The following FBN2 variants were observed in gnomAD, a reference collection of about 807,000 sequenced individuals.
The protein encoded by FBN2 is fibrillin 2.
A neutral mutation model predicts 355.6 loss-of-function variants in FBN2; 105 were observed. The observed-to-expected ratio is 0.30, with a 90% CI of 0.25 to 0.35. FBN2 has a LOEUF of 0.35. Among genes scored for constraint, FBN2 ranks in the 10% least tolerant of loss-of-function variants. The pLI is 1.00. For synonymous variants in FBN2, 1,350 were observed against 1,301.2 expected, an observed-to-expected ratio of 1.04 and a Z score of -0.81; for missense variants, 3,280 against 3,758.7, an observed-to-expected ratio of 0.87 and a Z score of 3.33.
intron 7 of FBN2, among the ~76,000 whole-genome samples, chr5:128,441,017 G>A (rs1753903449): frequency 6.6e-6 from 1 of 152,136 alleles, no homozygotes. Flanking sequence ...GAACTGCCAG[G>A]TCATACATCT....
Position 128,434,905 on chromosome 5 carries a change from A to G in FBN2, c.952+11576T>C, listed in dbSNP as rs549154652. ...ATAGGTTTTCCTATCATTAACACAC[A>G]TCTAATTTTATGTCTCTGAGAAAGA... is the stretch of plus-strand genomic sequence containing the variant. On this transcript the variant is annotated intron_variant, in intron 7 of 64. Transcript: ENST00000262464. 4.8e-4 allele frequency among the ~76,000 whole-genome samples: 73 copies of G among 152,242 alleles called. 1 individual carries two copies. The highest frequency in any genetic ancestry group is 1.2e-3 in the South Asian group (6 of 4,822).
In FBN2 at chr5:128,304,982, A is replaced by C; in HGVS notation, c.5775T>G (p.Ala1925=). Residue 1925 remains alanine, a synonymous_variant, in exon 45 of 65, where the codon GCT becomes GCG. Transcript: ENST00000262464. ...CCATGCACATGGTCTGGTCCTGAGA[A>C]GCCTTAAAGCCATTGTGGCAGATGC... The part of the protein sequence containing the change: ...YQCICHNGFK[A]SQDQTMCMDV... 1 of 1,614,000 alleles carries C rather than the reference A, an allele frequency of 6.2e-7. No individual in the cohort carries two copies.
chr5:128,286,937 A>C, intron 54 of FBN2, 88 bp from the exon 55 acceptor site: 2 of 1,277,794 alleles, frequency 1.6e-6, no homozygotes, highest in South Asian at 1.3e-5. Context: ...CTGACACTTA[A>C]CATGTAATTT....
chr5:128,500,279 C>CA (rs1263375113), intron 5 of FBN2, among the ~76,000 whole-genome samples: 1 of 151,636 alleles, frequency 6.6e-6, no homozygotes, highest in Non-Finnish European at 1.5e-5. Context: ...ATGAAACTAA[C>CA]AACACTTTTA....
chr5:128,369,390 G>T, intron 15 of FBN2, 56 bp from the exon 16 acceptor site: 1 of 1,581,878 alleles, frequency 6.3e-7, no homozygotes, highest in Non-Finnish European at 8.6e-7. Flanking sequence ...AAGAGATTTC[G>T]AAACAGAAGG....
At chr5:128,438,134 T>A (rs1421980040) in intron 7 of FBN2, among the ~76,000 whole-genome samples, 1 of 152,142 alleles carries the variant, frequency 6.6e-6, no homozygotes, top group Non-Finnish European at 1.5e-5. Flanking sequence ...TGGGACCACA[T>A]GCACATACTA....
intron 48 of FBN2, 96 bp from the exon 49 acceptor site, chr5:128,291,750 C>T (rs1294320467): frequency 1.1e-5 from 12 of 1,122,418 alleles, no homozygotes; most frequent in Non-Finnish European, 1.6e-5. Context: ...ATATTTCAGA[C>T]AAGAGATATT....
chr5:128,330,452 C>G lies in FBN2; in HGVS notation c.4345+121G>C. 6.1e-6 allele frequency: 6 copies of G among 982,744 alleles called. No individual in the cohort carries two copies. In the South Asian group the frequency reaches 8.3e-5, roughly 14 times the overall value. The allele number at this position is 982,744 out of a possible 1,614,324, so 60.9% of individuals were successfully genotyped here. On this transcript the variant is annotated intron_variant, in intron 33 of 64. Transcript: ENST00000262464. Reference sequence around the variant, plus strand: ...GAAAGATACATAGTCACCTGCAAGTCAAGTATAAAAAAAGAGGTAGTTACT... The same window carrying G: ...GAAAGATACATAGTCACCTGCAAGTGAAGTATAAAAAAAGAGGTAGTTACT...
intron 18 of FBN2, among the ~76,000 whole-genome samples, chr5:128,364,356 C>T (rs763252074): frequency 3.3e-5 from 5 of 151,818 alleles, no homozygotes; most frequent in African/African-American, 4.8e-5. Flanking sequence ...AAACAATAGG[C>T]AAATAATTGA....
chr5:128,261,846 C>T lies in FBN2; in HGVS notation c.8254G>A (p.Asp2752Asn), dbSNP rs529742815. The change falls in exon 64 of 65, where the codon GAT becomes AAT. Residue 2752 changes from aspartate (D) to asparagine (N), a missense_variant. Asp to Asn is a conservative substitution (Grantham distance 23). This residue lies in a region of FBN2 where 311 missense variants were observed against 319.1 expected (regional missense o/e 0.97). Transcript: ENST00000262464. ...TCTGGGGACAGAGCATTTTCCTCATCGACCTCTGTATCCAGTGACAGGTAC... is the reference window on the plus strand; with the variant it reads ...TCTGGGGACAGAGCATTTTCCTCATTGACCTCTGTATCCAGTGACAGGTAC... Reference protein sequence around the residue: ...GQYLSLDTEVDEENALSPEAC... With the variant: ...GQYLSLDTEVNEENALSPEAC... 14 of 1,614,022 alleles carry T rather than the reference C, an allele frequency of 8.7e-6. No individual in the cohort carries two copies. The highest frequency in any genetic ancestry group is 4.4e-5 in the South Asian group (4 of 91,080).
chr5:128,451,118 G>A (rs1032189522), intron 6 of FBN2, among the ~76,000 whole-genome samples: 1 of 151,992 alleles, frequency 6.6e-6, no homozygotes, highest in Non-Finnish European at 1.5e-5. Context: ...ATATCAATTT[G>A]CCCTATTATT....
intron 2 of FBN2, among the ~76,000 whole-genome samples, chr5:128,533,282 C>A (rs1486318640): frequency 6.6e-6 from 1 of 152,154 alleles, no homozygotes; most frequent in Non-Finnish European, 1.5e-5. Flanking sequence ...CCCAAAGTAC[C>A]TCCACCCGGG....
At chr5:128,506,144 G>A (rs1755952953) in intron 5 of FBN2, among the ~76,000 whole-genome samples, 1 of 152,134 alleles carries the variant, frequency 6.6e-6, no homozygotes, top group Admixed American at 6.5e-5. Flanking sequence ...TTTCCCTAAT[G>A]ATGAATGACA....
chr5:128,444,051 G>GTTT (rs1208530129), intron 7 of FBN2, among the ~76,000 whole-genome samples: 4 of 71,582 alleles, frequency 5.6e-5, no homozygotes, highest in African/African-American at 2.8e-4. Flanking sequence ...AATATCACTT[G>GTTT]TTCTTTTTTT....
chr5:128,443,671 C>G (rs1034654201), intron 7 of FBN2, among the ~76,000 whole-genome samples: 1 of 152,120 alleles, frequency 6.6e-6, no homozygotes, highest in African/African-American at 2.4e-5. Context: ...CTGAACAGAC[C>G]TAGTAACTTA....
At chr5:128,320,418 G>A (rs1286037632) in intron 34 of FBN2, among the ~76,000 whole-genome samples, 1 of 152,008 alleles carries the variant, frequency 6.6e-6, no homozygotes, top group Admixed American at 6.6e-5. Flanking sequence ...CTCCCTATGT[G>A]GCCTAGGTTG....
intron 62 of FBN2, among the ~76,000 whole-genome samples, chr5:128,268,610 G>A (rs185722192): frequency 2.6e-5 from 4 of 152,202 alleles, no homozygotes; most frequent in East Asian, 3.9e-4. Context: ...GACGAACATC[G>A]ATGCGAAAAT....
At chr5:128,501,869 A>G (rs1342124706) in intron 5 of FBN2, among the ~76,000 whole-genome samples, 2 of 152,134 alleles carry the variant, frequency 1.3e-5, no homozygotes, top group Non-Finnish European at 2.9e-5. Context: ...TCAAAAGTCT[A>G]AAAAAAGAAA....
intron 5 of FBN2, among the ~76,000 whole-genome samples, chr5:128,510,986 T>C (rs945948840): frequency 3.9e-5 from 6 of 152,208 alleles, no homozygotes; most frequent in African/African-American, 1.2e-4. Flanking sequence ...TCCATTTTTT[T>C]ATTCATGGTG....
Sources: allele counts gnomAD v4.1 joint callset (sites outside exome capture counted in the v4.1 genomes callset), GRCh38; gene constraint gnomAD v4.1.1; regional missense constraint gnomAD v4.1.1; transcripts MANE v1.5; gene names NCBI Gene and HGNC (gene_info 2026-07-23, HGNC 2026-07-21).